SND1: variants seen among roughly 807,000 people sequenced by gnomAD.
The protein encoded by SND1 is staphylococcal nuclease domain-containing protein 1.
Under a neutral mutation model 121.7 loss-of-function variants are expected in SND1, and 38 were observed. The ratio of observed to expected loss-of-function variants is 0.31; its 90% CI spans 0.24 to 0.41. The LOEUF (loss-of-function observed/expected upper bound fraction) is 0.41, where lower values mean the gene tolerates loss of function less well. Ranked by LOEUF, SND1 falls within the 10% of genes least tolerant of loss-of-function variation. The pLI is 1.00. For missense variants in SND1, 868 were observed against 1,184.6 expected, an observed-to-expected ratio of 0.73 and a Z score of 3.92; for synonymous variants, 401 against 447.4, an observed-to-expected ratio of 0.90 and a Z score of 1.31.
chr7:127,789,812 G>C (rs1433386425), intron 10 of SND1, among the ~76,000 whole-genome samples: 1 of 152,112 alleles, frequency 6.6e-6, no homozygotes, highest in Non-Finnish European at 1.5e-5. Context: ...CACTTTTACT[G>C]GATCAAAATT....
chr7:127,974,535 C>T (rs1238321669), intron 15 of SND1, among the ~76,000 whole-genome samples: 1 of 152,142 alleles, frequency 6.6e-6, no homozygotes, highest in Non-Finnish European at 1.5e-5. Context: ...AGAAATGAGC[C>T]CACTTTTTAT....
chr7:127,883,078 G>A (rs986998711), intron 12 of SND1, among the ~76,000 whole-genome samples: 1 of 152,120 alleles, frequency 6.6e-6, no homozygotes, highest in African/African-American at 2.4e-5. Context: ...GCATGATCAG[G>A]TGGTTCCTGA....
chr7:127,977,683 T>C (rs1381495899), intron 15 of SND1, among the ~76,000 whole-genome samples: 1 of 151,970 alleles, frequency 6.6e-6, no homozygotes, highest in Non-Finnish European at 1.5e-5. Context: ...AGAATAAGTA[T>C]AGGGAAAAAT....
chr7:127,835,109 G>A (rs927172141), intron 11 of SND1, among the ~76,000 whole-genome samples: 4 of 151,850 alleles, frequency 2.6e-5, no homozygotes, highest in African/African-American at 7.3e-5. Flanking sequence ...TATAGACAGA[G>A]CAAATGTAAT....
At chr7:127,852,742 C>T (rs1023764971) in intron 12 of SND1, among the ~76,000 whole-genome samples, 4 of 150,790 alleles carry the variant, frequency 2.7e-5, no homozygotes, top group African/African-American at 9.8e-5. Context: ...ACCCAGGAGG[C>T]GGAGGTTGCA....
chr7:127,731,508 C>T (rs936854286), intron 10 of SND1, among the ~76,000 whole-genome samples: 1 of 152,190 alleles, frequency 6.6e-6, no homozygotes, highest in African/African-American at 2.4e-5. Context: ...TCTGTCCTTC[C>T]TTCGCAGATT....
At chr7:127,800,454 G>C (rs984548131) in intron 10 of SND1, among the ~76,000 whole-genome samples, 2 of 152,136 alleles carry the variant, frequency 1.3e-5, no homozygotes, top group African/African-American at 4.8e-5. Context: ...ATCTGTAGAA[G>C]AGTATCCTTT....
At chr7:127,887,550 C>T (rs1367707799) in intron 12 of SND1, among the ~76,000 whole-genome samples, 1 of 151,740 alleles carries the variant, frequency 6.6e-6, no homozygotes, top group East Asian at 1.9e-4. Context: ...TCTCTATGTG[C>T]CTAATATTTT....
chr7:127,829,449 A>G (rs1346945416), intron 11 of SND1, among the ~76,000 whole-genome samples: 1 of 152,200 alleles, frequency 6.6e-6, no homozygotes, highest in Admixed American at 6.5e-5. Context: ...AAGTGGACAG[A>G]TTAGGAGATT....
At chr7:127,669,450 C>A (rs1795476720) in intron 1 of SND1, among the ~76,000 whole-genome samples, 1 of 152,202 alleles carries the variant, frequency 6.6e-6, no homozygotes, top group African/African-American at 2.4e-5. Context: ...ATATCCCTGA[C>A]CACTTTGGAG....
intron 10 of SND1, among the ~76,000 whole-genome samples, chr7:127,742,270 C>G (rs1232460088): frequency 6.6e-6 from 1 of 152,096 alleles, no homozygotes; most frequent in Admixed American, 6.6e-5. Context: ...TAAATTGCAT[C>G]AAATTAAAGG....
chr7:128,047,792 T>G (rs1245693542), intron 16 of SND1, among the ~76,000 whole-genome samples: 12 of 152,114 alleles, frequency 7.9e-5, no homozygotes, highest in African/African-American at 2.7e-4. Context: ...TTTTACAGAC[T>G]AGTGACCCAC....
intron 10 of SND1, among the ~76,000 whole-genome samples, chr7:127,797,374 G>A (rs1798047384): frequency 6.6e-6 from 1 of 152,354 alleles, no homozygotes; most frequent in Admixed American, 6.5e-5. Flanking sequence ...GTTGAGGGCA[G>A]CTCTTTTCCT....
At chr7:127,798,348 G>C (rs1449700833) in intron 10 of SND1, among the ~76,000 whole-genome samples, 1 of 152,116 alleles carries the variant, frequency 6.6e-6, no homozygotes, top group Non-Finnish European at 1.5e-5. Flanking sequence ...TGGCTTTGGG[G>C]GCTTGGGCAG....
intron 1 of SND1, among the ~76,000 whole-genome samples, chr7:127,673,995 CCCTTTCCTTT>C (rs1207281587): frequency 6.6e-6 from 1 of 151,682 alleles, no homozygotes; most frequent in African/African-American, 2.4e-5. Flanking sequence ...CCCTTTCCTT[CCCTTTCCTTT>C]TCCTTCCTTC....
chr7:127,663,051 C>T (rs1373073561), intron 1 of SND1, among the ~76,000 whole-genome samples: 3 of 151,772 alleles, frequency 2.0e-5, no homozygotes, highest in South Asian at 2.1e-4. Flanking sequence ...CCACCACACC[C>T]GGCTAATAAA....
intron 14 of SND1, among the ~76,000 whole-genome samples, chr7:127,920,858 CAAAAAAA>C (rs34784173): frequency 1.5e-3 from 184 of 120,418 alleles, no homozygotes; most frequent in South Asian, 5.8e-3. Flanking sequence ...CTTATCTTAA[CAAAAAAA>C]AAAAAAAAAG....
At chr7:127,715,121 A>T (rs189990204) in intron 9 of SND1, among the ~76,000 whole-genome samples, 1 of 150,278 alleles carries the variant, frequency 6.7e-6, no homozygotes, top group East Asian at 2.0e-4. Context: ...CTTTCTGTAC[A>T]TCCTCACCAA....
intron 15 of SND1, among the ~76,000 whole-genome samples, chr7:127,978,024 G>A (rs978436971): frequency 4.6e-5 from 7 of 152,126 alleles, no homozygotes; most frequent in Non-Finnish European, 8.8e-5. Context: ...GGGAGACGTG[G>A]GCAGTTGTTA....
Sources: gnomAD v4.1 joint callset for allele counts (sites outside exome capture counted in the v4.1 genomes callset) on GRCh38, gnomAD v4.1.1 for gene constraint, MANE v1.5 for transcripts, NCBI Gene and HGNC (gene_info 2026-07-23, HGNC 2026-07-21) for gene names.